The following RAD51B variants were observed in gnomAD, a reference collection of about 807,000 sequenced individuals.
RAD51B encodes RAD51 paralog B.
In RAD51B, 38 loss-of-function variants were observed where a neutral mutation model predicts 42.2. That is an observed-to-expected ratio of 0.90 (90% CI 0.70 to 1.18). The LOEUF (loss-of-function observed/expected upper bound fraction) is 1.18. Among genes scored for constraint, RAD51B ranks in the 50% most tolerant of loss-of-function variants. The pLI is 0.00. For missense variants in RAD51B, 373 were observed against 400.7 expected (o/e 0.93, Z 0.59); for synonymous variants, 154 against 145.2 (o/e 1.06, Z -0.43).
At chr14:68,296,707 G>A (rs1047370193) in intron 8 of RAD51B, among the ~76,000 whole-genome samples, 3 of 152,122 alleles carry the variant, frequency 2.0e-5, no homozygotes, top group African/African-American at 4.8e-5. Context: ...TTCTTCTGAC[G>A]ATTTAACAGA....
chr14:68,296,659 C>G (rs1295191873), intron 8 of RAD51B, among the ~76,000 whole-genome samples: 1 of 152,156 alleles, frequency 6.6e-6, no homozygotes, highest in Non-Finnish European at 1.5e-5. Flanking sequence ...TAACAGTGAG[C>G]CCTGTGCAAG....
At chr14:68,532,271 AAAAG>A (rs1462034855) in intron 10 of RAD51B, among the ~76,000 whole-genome samples, 3 of 152,204 alleles carry the variant, frequency 2.0e-5, no homozygotes, top group Non-Finnish European at 2.9e-5. Context: ...AAACAACAAC[AAAAG>A]AATGAACAAA....
intron 8 of RAD51B, among the ~76,000 whole-genome samples, chr14:68,301,784 A>T (rs562302588): frequency 6.6e-6 from 1 of 152,058 alleles, no homozygotes; most frequent in South Asian, 2.1e-4. Context: ...TTTTTAGTGG[A>T]GATGGGGTTT....
At chr14:68,270,415 G>A (rs2139582193) in intron 7 of RAD51B, among the ~76,000 whole-genome samples, 1 of 152,306 alleles carries the variant, frequency 6.6e-6, no homozygotes, top group South Asian at 2.1e-4. Context: ...TTTGGATGAA[G>A]AGATTATTTC....
intron 10 of RAD51B, among the ~76,000 whole-genome samples, chr14:68,469,372 T>C (rs2086065421): frequency 6.6e-6 from 1 of 152,192 alleles, no homozygotes; most frequent in Non-Finnish European, 1.5e-5. Context: ...TTCTAAAATG[T>C]CTGCTTCTTA....
At chr14:68,308,266 G>C (rs1167157353) in intron 8 of RAD51B, among the ~76,000 whole-genome samples, 4 of 152,108 alleles carry the variant, frequency 2.6e-5, no homozygotes, top group Admixed American at 2.6e-4. Flanking sequence ...TTCTGTCAGT[G>C]AGAGAAAAGG....
chr14:67,969,232 A>C (rs2074848341), intron 7 of RAD51B, among the ~76,000 whole-genome samples: 1 of 152,216 alleles, frequency 6.6e-6, no homozygotes, highest in South Asian at 2.1e-4. Flanking sequence ...ATCAGTAAGC[A>C]AGTACTGGTT....
intron 10 of RAD51B, among the ~76,000 whole-genome samples, chr14:68,631,539 CAA>C (rs1434377358): frequency 4.6e-5 from 7 of 152,178 alleles, no homozygotes; most frequent in African/African-American, 1.4e-4. Flanking sequence ...GAACTTGACT[CAA>C]GAGAGGCCCT....
intron 9 of RAD51B, among the ~76,000 whole-genome samples, chr14:68,415,152 C>G (rs540959855): frequency 1.3e-5 from 2 of 150,080 alleles, no homozygotes; most frequent in East Asian, 4.1e-4. Flanking sequence ...AAATCAAAAT[C>G]TCTGCCAGTA....
intron 7 of RAD51B, among the ~76,000 whole-genome samples, chr14:68,224,700 CT>C (rs201035652): frequency 5.4e-5 from 8 of 148,814 alleles, no homozygotes; most frequent in East Asian, 2.0e-4. Flanking sequence ...AAAAGCTATT[CT>C]TTTTTTTTTG....
chr14:68,088,106 TTTA>T (rs2077028665), intron 7 of RAD51B, among the ~76,000 whole-genome samples: 1 of 148,266 alleles, frequency 6.7e-6, no homozygotes, highest in Admixed American at 6.9e-5. Context: ...ATTGTTAGAA[TTTA>T]TTGTTAGAAT....
At chr14:68,049,040 G>A (rs1039870809) in intron 7 of RAD51B, among the ~76,000 whole-genome samples, 1 of 152,160 alleles carries the variant, frequency 6.6e-6, no homozygotes, top group Admixed American at 6.5e-5. Flanking sequence ...AAAAAATGAT[G>A]AGTTCATGTC....
chr14:68,641,589 A>T (rs990520688), intron 10 of RAD51B, among the ~76,000 whole-genome samples: 2 of 108,324 alleles, frequency 1.8e-5, no homozygotes, highest in Admixed American at 8.8e-5. Context: ...TTTTTTGTAG[A>T]TATTCTTTAT....
At chr14:67,900,308 A>AG (rs1001067477) in intron 7 of RAD51B, among the ~76,000 whole-genome samples, 29 of 152,164 alleles carry the variant, frequency 1.9e-4, no homozygotes, top group Non-Finnish European at 5.9e-5. Context: ...GCAAACTTGT[A>AG]GCTTAAGTCT....
chr14:68,153,986 G>A (rs150488680), intron 7 of RAD51B, among the ~76,000 whole-genome samples: 32 of 152,286 alleles, frequency 2.1e-4, no homozygotes, highest in African/African-American at 6.5e-4. Context: ...TTCATGAGTC[G>A]TATTTTAATC....
intron 7 of RAD51B, among the ~76,000 whole-genome samples, chr14:68,198,480 A>G (rs1387923449): frequency 1.3e-5 from 2 of 152,212 alleles, no homozygotes; most frequent in South Asian, 2.1e-4. Flanking sequence ...AGAAAAAACT[A>G]TTAAGTTTTC....
intron 10 of RAD51B, among the ~76,000 whole-genome samples, chr14:68,526,344 A>G (rs1254853854): frequency 6.6e-6 from 1 of 152,226 alleles, no homozygotes; most frequent in Non-Finnish European, 1.5e-5. Flanking sequence ...GTAGTAGACT[A>G]TACCATCTAG....
chr14:67,967,506 T>C (rs758206008), intron 7 of RAD51B, among the ~76,000 whole-genome samples: 2 of 152,100 alleles, frequency 1.3e-5, no homozygotes, highest in Admixed American at 6.5e-5. Flanking sequence ...ACAATAAGGG[T>C]ACAGGCATTG....
chr14:68,431,784 C>T (rs1276913479), intron 9 of RAD51B, among the ~76,000 whole-genome samples: 1 of 152,110 alleles, frequency 6.6e-6, no homozygotes, highest in Non-Finnish European at 1.5e-5. Flanking sequence ...TATTTCTTGC[C>T]TTCTGCTAGC....
Sources: gnomAD v4.1 joint callset for allele counts (sites outside exome capture counted in the v4.1 genomes callset) on GRCh38, gnomAD v4.1.1 for gene constraint, MANE v1.5 for transcripts, NCBI Gene and HGNC (gene_info 2026-07-23, HGNC 2026-07-21) for gene names.